The following CASKIN1 variants were observed in gnomAD, a reference collection of about 807,000 sequenced individuals.
The protein encoded by CASKIN1 is CASK interacting protein 1.
CASKIN1 carries 42 observed loss-of-function variants against 117.5 expected under a neutral mutation model. The ratio of observed to expected loss-of-function variants is 0.36; its 90% CI spans 0.28 to 0.46. The LOEUF is 0.46. Ranked by LOEUF, CASKIN1 falls within the 20% of genes least tolerant of loss-of-function variation. CASKIN1 has a pLI of 1.00. For synonymous variants in CASKIN1, 1,148 were observed against 961.7 expected, an observed-to-expected ratio of 1.19 and a Z score of -3.59; for missense variants, 2,083 against 2,077.3, an observed-to-expected ratio of 1.00 and a Z score of -0.05.
intron 14 of CASKIN1, among the ~76,000 whole-genome samples, chr16:2,184,440 G>A (rs1477954438): frequency 1.3e-5 from 2 of 152,072 alleles, no homozygotes; most frequent in African/African-American, 2.4e-5. Flanking sequence ...CACACCATAC[G>A]CCGTGCCCAT....
Position 2,180,758 on chromosome 16 carries a change from G to C in CASKIN1, c.2610C>G (p.Asp870Glu), listed in dbSNP as rs544116870. 59 of 1,435,508 alleles carry C rather than the reference G, an allele frequency of 4.1e-5. No individual in the cohort carries two copies. The highest frequency in any genetic ancestry group is 1.1e-5 in the Non-Finnish European group (12 of 1,102,242). 88.9% of individuals were successfully genotyped at this position (1,435,508 alleles called of 1,614,324 possible). Residue 870 changes from aspartate to glutamate, a missense_variant, in exon 18 of 20, where the codon GAC becomes GAG. Physicochemically the swap from Asp to Glu is conservative, Grantham distance 45 (BLOSUM62 2). Transcript: ENST00000343516. The stretch of plus-strand genomic sequence containing the variant: ...GCTTCTTGGGCCGCCCCGGCTCCGC[G>C]TCGGCCTCAGGGGGCAGGCACAGTG... The part of the protein sequence containing the change: ...VPTLCLPPEA[D>E]AEPGRPKKRA...
chr16:2,179,487 C>G lies in CASKIN1; in HGVS notation c.3775+106G>C. ...AGGGTCTGGGGACACGTTCCCACCC[C>G]ACCTGGGCTTCCATCAAACCCAAGA... On this transcript the variant is annotated intron_variant, in intron 18 of 19. Transcript: ENST00000343516. This position sits in a 1 kb window ranked among gnomAD's most constrained non-coding sequence, Gnocchi z 5.8. 1 of 1,390,840 alleles carries G rather than the reference C, an allele frequency of 7.2e-7. No homozygotes were observed. Among genetic ancestry groups the G allele is most frequent in the Non-Finnish European group, 9.3e-7 (1 of 1,071,544 alleles). The allele number at this position is 1,390,840 out of a possible 1,614,324, so 86.2% of individuals were successfully genotyped here.
At position 2,179,075 on chromosome 16, in the gene CASKIN1, G is replaced by C; in HGVS notation, c.4026C>G (p.Pro1342=). The change falls in exon 19 of 20, where the codon CCC becomes CCG. Residue 1342 remains proline (P), a synonymous_variant. Transcript: ENST00000343516. The surrounding 1 kb of genome is among the most constrained non-coding windows in gnomAD (Gnocchi z 5.8). The part of the protein sequence containing the change: ...GAPALHVPAK[P]PRAAAAAAAA... ...CGGCGGCGGCGGCGGCGGCTCGCGG[G>C]GGCTTGGCGGGCACGTGCAGCGCGG... 1.0e-6 allele frequency: 1 copy of C among 986,320 alleles called. No homozygotes were observed. Among genetic ancestry groups the C allele is most frequent in the Non-Finnish European group, 1.2e-6 (1 of 832,354 alleles). 61.1% of individuals were successfully genotyped at this position (986,320 alleles called of 1,614,324 possible). A position where few individuals can be genotyped will look rare whatever the true frequency, so the allele number is the denominator to read the frequency against.
At position 2,177,216 on chromosome 16, in the gene CASKIN1, G is replaced by A. The variant is rs1024992960; in HGVS notation, c.*1334C>T. ...CTGTTTATTGACAGCCGACGGCAGC[G>A]CCTTGCCCAGACCTCCCCTGCCCAC... On this transcript the variant is annotated 3_prime_UTR_variant, in exon 20 of 20. Coordinates refer to ENST00000343516, the MANE Select transcript of CASKIN1 (RefSeq NM_020764.4). The A allele has an allele frequency of 2.0e-5, 5 of 244,392 alleles. No homozygotes were observed. Among genetic ancestry groups the A allele is most frequent in the East Asian group, 1.2e-4 (2 of 17,010 alleles). 15.1% of individuals were successfully genotyped at this position (244,392 alleles called of 1,614,324 possible). A position where few individuals can be genotyped will look rare whatever the true frequency, so the allele number is the denominator to read the frequency against.
At position 2,180,802 on chromosome 16, in the gene CASKIN1, C is replaced by A. The variant is rs765340222; in HGVS notation, c.2566G>T (p.Val856Leu). ...PAAPGPAPPP[V>L]PTAVPTLCLP... ...CACAGTGTGGGCACAGCCGTCGGCA[C>A]GGGTGGGGGCGCAGGCCCCGGGGCA... Residue 856 changes from valine (V) to leucine (L), a missense_variant, in exon 18 of 20, where the codon GTG becomes TTG. By Grantham distance (32) the Val-to-Leu change is conservative. Around this residue, in one of 3 missense-constraint regions of CASKIN1, gnomAD observed 1,818 missense variants for 1,688.9 expected, o/e 1.08. Transcript: ENST00000343516. 2.1e-5 allele frequency: 29 copies of A among 1,397,360 alleles called. No individual in the cohort carries two copies. The Admixed American group carries it at 4.8e-4, about 23-fold the overall frequency. 86.6% of individuals were successfully genotyped at this position (1,397,360 alleles called of 1,614,324 possible).
In CASKIN1 at chr16:2,196,027, C is replaced by T. The variant is rs570596701; in HGVS notation, c.94+312G>A. ...GGCCCCAGCAGAGACCTCCAGCTGT[C>T]AGCCCGCAGCCTGGGAAGGGAGGGG... On this transcript the variant is annotated intron_variant, in intron 1 of 19. Transcript: ENST00000343516. This position sits in a 1 kb window ranked among gnomAD's most constrained non-coding sequence, Gnocchi z 5.7. 4.6e-4 allele frequency among the ~76,000 whole-genome samples: 70 copies of T among 151,940 alleles called. No individual in the cohort carries two copies. The highest frequency in any genetic ancestry group is 9.2e-4 in the Admixed American group (14 of 15,296).
intron 6 of CASKIN1, 50 bp downstream of exon 6, chr16:2,188,977 C>A (rs374162078): frequency 5.1e-6 from 8 of 1,570,004 alleles, no homozygotes; most frequent in South Asian, 1.2e-5. Flanking sequence ...CAGGCTGCTG[C>A]TGAACCCTGG....
intron 11 of CASKIN1, 27 bp downstream of exon 11, chr16:2,185,280 C>T (rs2093180660): frequency 6.3e-7 from 1 of 1,595,936 alleles, no homozygotes. Context: ...AGTCCTGCCA[C>T]CTCTGCCCTT....
rs1270733006 is a variant in CASKIN1, at chr16:2,178,645, C to G, written c.4201G>C (p.Asp1401His). 1.9e-6 allele frequency: 3 copies of G among 1,586,642 alleles called. No individual in the cohort carries two copies. Among genetic ancestry groups the G allele is most frequent in the Non-Finnish European group, 2.6e-6 (3 of 1,173,028 alleles). Residue 1401 changes from aspartate to histidine, a missense_variant and splice_region_variant, in exon 20 of 20, where the codon GAC (aspartate) becomes CAC (histidine). This residue lies in a region of CASKIN1 where 1,818 missense variants were observed against 1,688.9 expected (regional missense o/e 1.08). Transcript: ENST00000343516. ...IRQEDAQGPR[D>H]SAAEKSTGSI... ...CCAGTGCTCTTTTCCGCCGCCGAGT[C>G]GCTGCGGGGCGCGGGGCAAGGGGCG...
At position 2,182,564 on chromosome 16, in the gene CASKIN1, T is replaced by C. The variant is rs1210721804; in HGVS notation, c.1630-635A>G. Among the ~76,000 whole-genome samples the C allele has an allele frequency of 6.6e-6, 1 of 152,160 alleles. No homozygotes were observed. Among genetic ancestry groups the C allele is most frequent in the African/African-American group, 2.4e-5 (1 of 41,424 alleles). ...ACCCCCAGGTGCGCGGCAAGGCCCG[T>C]GGGACCCGGACCTGACCCCTAGGAG... On this transcript the variant is annotated intron_variant, in intron 16 of 19. Coordinates refer to ENST00000343516, the MANE Select transcript of CASKIN1 (RefSeq NM_020764.4). This position sits in a 1 kb window ranked among gnomAD's most constrained non-coding sequence, Gnocchi z 4.1.
chr16:2,178,792 A>ATCTC, intron 19 of CASKIN1, 110 bp downstream of exon 19: 1 of 1,189,080 alleles, frequency 8.4e-7, no homozygotes, highest in Non-Finnish European at 1.1e-6. Flanking sequence ...CGGCACGCCC[A>ATCTC]TCTCTGCCGA....
At chr16:2,193,955 A>G (rs2093208108) in intron 1 of CASKIN1, among the ~76,000 whole-genome samples, 1 of 152,136 alleles carries the variant, frequency 6.6e-6, no homozygotes, top group Non-Finnish European at 1.5e-5. Context: ...GGAGCAGAGC[A>G]TGGCTGGAGG....
Position 2,181,284 on chromosome 16 carries a change from CTGGAGTCCTGCCGCG to C in CASKIN1, c.2069_2083del (p.Thr690_Ser694del). 6.2e-7 allele frequency: 1 copy of C among 1,602,506 alleles called. No individual in the cohort carries two copies. The highest frequency in any genetic ancestry group is 8.5e-7 in the Non-Finnish European group (1 of 1,178,912). ...CATGTGCCGTGCCCGACCACCCAGG[CTGGAGTCCTGCCGCG>C]TGGTGGCCCTCGGGGTGGGTGGCAG... On this transcript the variant is annotated inframe_deletion, in exon 18 of 20. Transcript: ENST00000343516.
chr16:2,180,944 C>T lies in CASKIN1; in HGVS notation c.2424G>A (p.Pro808=), dbSNP rs1317748032. 7 of 1,462,942 alleles carry T rather than the reference C, an allele frequency of 4.8e-6. No homozygotes were observed. Among genetic ancestry groups the T allele is most frequent in the East Asian group, 5.2e-5 (2 of 38,720 alleles). 90.6% of individuals were successfully genotyped at this position (1,462,942 alleles called of 1,614,324 possible). A position where few individuals can be genotyped will look rare whatever the true frequency, so the allele number is the denominator to read the frequency against. The change falls in exon 18 of 20, where the codon CCG becomes CCA. Residue 808 remains proline, a synonymous_variant. Transcript: ENST00000343516. ...APATAKVKPT[P]QLLPPTERPM... ...GGCGCTCTGTCGGCGGCAGCAGCTG[C>T]GGGGTGGGCTTCACCTTGGCCGTAG...
Position 2,181,861 on chromosome 16 carries a change from G to C in CASKIN1, c.1698C>G (p.Gly566=). 1.2e-6 allele frequency: 2 copies of C among 1,613,842 alleles called. No individual in the cohort carries two copies. The highest frequency in any genetic ancestry group is 1.7e-6 in the Non-Finnish European group (2 of 1,179,992). ...AQYYKVLVDN[G]YENIDFITDI... is the part of the protein sequence containing the mutation. ...CGGTGATGAAATCAATGTTCTCGTAGCCATTGTCCACCAACACCTTGTAGT... is the reference window on the plus strand; with the variant it reads ...CGGTGATGAAATCAATGTTCTCGTACCCATTGTCCACCAACACCTTGTAGT... The change falls in exon 17 of 20, where the codon GGC becomes GGG. Residue 566 remains glycine, a synonymous_variant. Coordinates refer to ENST00000343516, the MANE Select transcript of CASKIN1 (RefSeq NM_020764.4).
At chr16:2,184,364 C>A (rs1222909500) in intron 14 of CASKIN1, among the ~76,000 whole-genome samples, 4 of 152,162 alleles carry the variant, frequency 2.6e-5, no homozygotes, top group Non-Finnish European at 5.9e-5. Context: ...GCAGGGGCAC[C>A]TTGCCTCCTC....
rs1358465290 is a variant in CASKIN1 at position 2,179,739 on chromosome 16, G to A, written c.3629C>T (p.Pro1210Leu). Reference sequence around the variant, plus strand: ...GGCTTCGCCCTCGGGCGGGGGCAATGGGGGTAGGTGCGCCAGGTCGGTGGG... The same window carrying A: ...GGCTTCGCCCTCGGGCGGGGGCAATAGGGGTAGGTGCGCCAGGTCGGTGGG... ...PPPTDLAHLPPLPPPEGEARK... is the reference protein window; with the variant it reads ...PPPTDLAHLPLLPPPEGEARK... The change falls in exon 18 of 20, where the codon CCA becomes CTA. Residue 1210 changes from proline to leucine, a missense_variant. Transcript: ENST00000343516. The surrounding 1 kb of genome is among the most constrained non-coding windows in gnomAD (Gnocchi z 5.8). 6.4e-7 allele frequency: 1 copy of A among 1,555,804 alleles called. No homozygotes were observed. Among genetic ancestry groups the A allele is most frequent in the Non-Finnish European group, 8.6e-7 (1 of 1,156,672 alleles).
intron 1 of CASKIN1, among the ~76,000 whole-genome samples, chr16:2,193,425 G>A (rs1359902544): frequency 5.3e-5 from 8 of 152,204 alleles, no homozygotes; most frequent in Admixed American, 2.0e-4. Context: ...TAAAGGGAGC[G>A]CAGGTGTCAC....
Position 2,196,520 on chromosome 16 carries a change from C to T in CASKIN1, c.-88G>A. ...GGCGGCCCCGCGGCACCGGCCGCCT[C>T]CCCCGCCGCCTCCCCCGCCGCCTCC... On this transcript the variant is annotated 5_prime_UTR_variant, in exon 1 of 20. Coordinates refer to ENST00000343516, the MANE Select transcript of CASKIN1 (RefSeq NM_020764.4). The surrounding 1 kb of genome is among the most constrained non-coding windows in gnomAD (Gnocchi z 5.7). The T allele has an allele frequency of 2.1e-6, 1 of 475,658 alleles. No individual in the cohort carries two copies. Among genetic ancestry groups the T allele is most frequent in the Non-Finnish European group, 2.7e-6 (1 of 368,412 alleles). 29.5% of individuals were successfully genotyped at this position (475,658 alleles called of 1,614,324 possible).
Sources: gnomAD v4.1 joint callset for allele counts (sites outside exome capture counted in the v4.1 genomes callset) on GRCh38, gnomAD v4.1.1 for gene constraint, gnomAD v4.1.1 regional missense constraint, Gnocchi (gnomAD v3.1) non-coding constraint, MANE v1.5 for transcripts, NCBI Gene and HGNC (gene_info 2026-07-23, HGNC 2026-07-21) for gene names.